The following CACNA1D variants were observed in gnomAD, a reference collection of about 807,000 sequenced individuals.
The protein encoded by CACNA1D is calcium voltage-gated channel subunit alpha1 D, also known as voltage-dependent L-type calcium channel subunit alpha-1D.
Under a neutral mutation model 257.1 loss-of-function variants are expected in CACNA1D, and 55 were observed. The observed-to-expected ratio is 0.21, with a 90% CI of 0.17 to 0.27. CACNA1D has a LOEUF of 0.27. Among genes scored for constraint, CACNA1D ranks in the 10% least tolerant of loss-of-function variants. CACNA1D has a pLI of 1.00. For synonymous variants in CACNA1D, 980 were observed against 1,014.9 expected (o/e 0.97, Z 0.65); for missense variants, 1,876 against 2,784.0 (o/e 0.67, Z 7.34).
At chr3:53,668,152 T>A (rs7651668) in intron 7 of CACNA1D, among the ~76,000 whole-genome samples, 6,815 of 152,254 alleles carry the variant, frequency 0.045, 181 homozygotes, top group African/African-American at 0.062. Context: ...TTGATTTTTT[T>A]AAAAATCAAA....
At chr3:53,549,531 T>G (rs2092485021) in intron 3 of CACNA1D, among the ~76,000 whole-genome samples, 1 of 152,200 alleles carries the variant, frequency 6.6e-6, no homozygotes, top group Non-Finnish European at 1.5e-5. Context: ...TCTGATGTGA[T>G]TTCTAGTTGG....
intron 37 of CACNA1D, among the ~76,000 whole-genome samples, chr3:53,778,014 G>A (rs1165501361): frequency 3.3e-5 from 5 of 152,190 alleles, no homozygotes; most frequent in Non-Finnish European, 7.3e-5. Context: ...CCAGGATGCT[G>A]AGCCAGCTCT....
rs1366159241 is a variant in CACNA1D, at chr3:53,651,013, G to A, written c.623+95G>A. ...TAACAAAACAGTCTTTTTAGGGAATGTGGTTGCTCTTTTATGCCAGCTGTT... is the reference window on the plus strand; with the variant it reads ...TAACAAAACAGTCTTTTTAGGGAATATGGTTGCTCTTTTATGCCAGCTGTT... On this transcript the variant is annotated intron_variant, in intron 4 of 47. Coordinates refer to ENST00000350061, the MANE Select transcript of CACNA1D (RefSeq NM_001128840.3). The A allele has an allele frequency of 6.0e-6, 7 of 1,170,242 alleles. No individual in the cohort carries two copies. The African/African-American group carries it at 7.5e-5, about 13-fold the overall frequency. The allele number at this position is 1,170,242 out of a possible 1,614,324, so 72.5% of individuals were successfully genotyped here.
At chr3:53,638,344 G>A (rs1223986566) in intron 3 of CACNA1D, among the ~76,000 whole-genome samples, 6 of 152,208 alleles carry the variant, frequency 3.9e-5, no homozygotes, top group East Asian at 1.9e-4. Flanking sequence ...GGCCTCCTCC[G>A]GGAAGAATTG....
intron 3 of CACNA1D, among the ~76,000 whole-genome samples, chr3:53,620,418 G>A (rs1375869269): frequency 2.0e-5 from 3 of 152,048 alleles, no homozygotes; most frequent in Admixed American, 6.6e-5. Context: ...AGCCTGCCCA[G>A]TAGCTAGGAC....
intron 2 of CACNA1D, among the ~76,000 whole-genome samples, chr3:53,499,423 G>GCAAGGGT (rs2090494349): frequency 6.6e-6 from 1 of 152,078 alleles, no homozygotes; most frequent in Non-Finnish European, 1.5e-5. Context: ...CAGTGGGAGA[G>GCAAGGGT]CAAGGGTCAA....
intron 3 of CACNA1D, among the ~76,000 whole-genome samples, chr3:53,534,236 G>T (rs955019966): frequency 1.3e-5 from 2 of 152,226 alleles, no homozygotes; most frequent in African/African-American, 4.8e-5. Flanking sequence ...GGTAGAGTGT[G>T]AGGGCAGGCC....
intron 5 of CACNA1D, among the ~76,000 whole-genome samples, chr3:53,664,205 T>C (rs1429684315): frequency 6.6e-6 from 1 of 152,050 alleles, no homozygotes; most frequent in Non-Finnish European, 1.5e-5. Flanking sequence ...CCCTCCCACC[T>C]CCCTCATTCC....
At chr3:53,705,885 CA>C (rs1313353104) in intron 9 of CACNA1D, among the ~76,000 whole-genome samples, 1 of 152,184 alleles carries the variant, frequency 6.6e-6, no homozygotes, top group Non-Finnish European at 1.5e-5. Flanking sequence ...GAAAACCACA[CA>C]AGGAGAGGGT....
intron 3 of CACNA1D, among the ~76,000 whole-genome samples, chr3:53,592,006 G>T (rs1287938418): frequency 6.6e-6 from 1 of 152,114 alleles, no homozygotes; most frequent in African/African-American, 2.4e-5. Context: ...GTACGCTAGG[G>T]TGTCATTTCT....
At chr3:53,600,663 G>C (rs755806931) in intron 3 of CACNA1D, among the ~76,000 whole-genome samples, 2 of 152,124 alleles carry the variant, frequency 1.3e-5, no homozygotes, top group African/African-American at 2.4e-5. Flanking sequence ...CTATGCTGTG[G>C]TATTGATCAT....
intron 29 of CACNA1D, among the ~76,000 whole-genome samples, chr3:53,755,569 G>A (rs1439396719): frequency 6.6e-6 from 1 of 152,140 alleles, no homozygotes; most frequent in Non-Finnish European, 1.5e-5. Flanking sequence ...GTTGATTTTT[G>A]CTGGAAATTG....
intron 40 of CACNA1D, chr3:53,796,222 G>A (rs1047846437): frequency 8.5e-5 from 34 of 398,612 alleles, no homozygotes; most frequent in South Asian, 4.3e-4. Context: ...TGTCACCAGC[G>A]AGACGACTGT....
chr3:53,674,995 A>G (rs1365731087), intron 8 of CACNA1D, among the ~76,000 whole-genome samples: 1 of 152,098 alleles, frequency 6.6e-6, no homozygotes, highest in African/African-American at 2.4e-5. Flanking sequence ...GCATTTTTGG[A>G]AACACTGCCT....
chr3:53,504,743 G>A (rs182745636), intron 3 of CACNA1D, among the ~76,000 whole-genome samples: 134 of 152,170 alleles, frequency 8.8e-4, no homozygotes, highest in African/African-American at 3.2e-3. Context: ...AAGTGTCAGA[G>A]TGGGGATGAT....
intron 3 of CACNA1D, among the ~76,000 whole-genome samples, chr3:53,600,077 T>C (rs1266753942): frequency 2.0e-5 from 3 of 152,272 alleles, no homozygotes; most frequent in African/African-American, 7.2e-5. Flanking sequence ...GCCAGCTTGG[T>C]AAAACCAGAA....
chr3:53,752,374 A>T (rs988267582), intron 28 of CACNA1D, among the ~76,000 whole-genome samples: 3 of 152,148 alleles, frequency 2.0e-5, no homozygotes, highest in Non-Finnish European at 2.9e-5. Flanking sequence ...TGCTGTAGAT[A>T]ATTCCCCTCA....
chr3:53,756,079 G>A (rs577892844), intron 29 of CACNA1D, among the ~76,000 whole-genome samples: 2 of 152,298 alleles, frequency 1.3e-5, no homozygotes, highest in Admixed American at 1.3e-4. Context: ...CTTCTAGCAG[G>A]ACTCGTCAGT....
At chr3:53,516,619 A>G (rs975555169) in intron 3 of CACNA1D, among the ~76,000 whole-genome samples, 1 of 152,178 alleles carries the variant, frequency 6.6e-6, no homozygotes, top group South Asian at 2.1e-4. Context: ...GACCAAGTAC[A>G]GTGTGAGGAC....
Sources: allele counts gnomAD v4.1 joint callset (sites outside exome capture counted in the v4.1 genomes callset), GRCh38; gene constraint gnomAD v4.1.1; transcripts MANE v1.5; gene names NCBI Gene and HGNC (gene_info 2026-07-23, HGNC 2026-07-21).